MBNL2: variants seen among roughly 807,000 people sequenced by gnomAD.
MBNL2 encodes the protein muscleblind like splicing regulator 2, also known as muscleblind-like protein 2.
A neutral mutation model predicts 41.9 loss-of-function variants in MBNL2; 17 were observed. The observed-to-expected ratio is 0.41, with a 90% CI of 0.28 to 0.61. The LOEUF (loss-of-function observed/expected upper bound fraction) is 0.61, where lower values mean the gene tolerates loss of function less well. MBNL2 is among the 20% of genes least tolerant of loss of function. The pLI is 0.35. For missense variants in MBNL2, 336 were observed against 505.6 expected (o/e 0.66, Z 3.22); for synonymous variants, 195 against 182.9 (o/e 1.07, Z -0.53).
chr13:97,258,383 G>A (rs998830086), intron 1 of MBNL2, among the ~76,000 whole-genome samples: 3 of 152,086 alleles, frequency 2.0e-5, no homozygotes, highest in Admixed American at 6.6e-5. Flanking sequence ...CATCGATGGC[G>A]ATTTTTAGAA....
chr13:97,163,335 G>A, the MBNL2 span, among the ~76,000 whole-genome samples: 3 of 152,156 alleles, frequency 2.0e-5, no homozygotes, highest in Non-Finnish European at 4.4e-5. Flanking sequence ...AAGAAGCCAG[G>A]CTTTCCCTAG....
intron 1 of MBNL2, among the ~76,000 whole-genome samples, chr13:97,266,133 T>C (rs531511251): frequency 5.3e-5 from 8 of 152,132 alleles, no homozygotes; most frequent in Non-Finnish European, 1.0e-4. Flanking sequence ...TCCCAACTAC[T>C]TGGGGGGCCG....
At chr13:97,323,066 T>C (rs1480030895) in intron 2 of MBNL2, among the ~76,000 whole-genome samples, 1 of 152,222 alleles carries the variant, frequency 6.6e-6, no homozygotes, top group Non-Finnish European at 1.5e-5. Flanking sequence ...GTCTGTTTTC[T>C]ACCTGAGATG....
intron 1 of MBNL2, among the ~76,000 whole-genome samples, chr13:97,242,894 C>T (rs999146681): frequency 5.9e-5 from 9 of 152,184 alleles, no homozygotes; most frequent in Non-Finnish European, 1.0e-4. Context: ...ACATCATCCT[C>T]TGAAATTGGT....
At chr13:97,193,880 AC>A in the MBNL2 span, among the ~76,000 whole-genome samples, 1 of 151,724 alleles carries the variant, frequency 6.6e-6, no homozygotes, top group Non-Finnish European at 1.5e-5. Context: ...TCCTGATCAC[AC>A]CTCCCACATC....
chr13:97,277,426 C>T (rs2389823), intron 2 of MBNL2, among the ~76,000 whole-genome samples: 13,365 of 152,120 alleles, frequency 0.088, 693 homozygotes, highest in South Asian at 0.14. Context: ...TATCAATGCT[C>T]TTGACATATG....
intron 1 of MBNL2, among the ~76,000 whole-genome samples, chr13:97,227,184 A>T (rs967831403): frequency 2.6e-5 from 4 of 152,140 alleles, no homozygotes; most frequent in Non-Finnish European, 5.9e-5. Flanking sequence ...AGGTTCAGGG[A>T]CGCAGCCTGG....
intron 3 of MBNL2, among the ~76,000 whole-genome samples, chr13:97,339,957 G>T (rs1566427367): frequency 6.6e-6 from 1 of 151,460 alleles, no homozygotes; most frequent in Non-Finnish European, 1.5e-5. Context: ...CATGGCCTCA[G>T]ACTAGGAGCC....
rs116163884 is a variant in MBNL2, at chr13:97,223,109, A to G, written c.-605+578A>G. Among the ~76,000 whole-genome samples, 1,362 of 152,324 alleles carry G rather than the reference A, an allele frequency of 8.9e-3. 21 individuals are homozygous for G. The highest frequency in any genetic ancestry group is 0.031 in the African/African-American group (1,303 of 41,574). On this transcript the variant is annotated intron_variant, in intron 1 of 8. Transcript: ENST00000679496. ...GGCAAGTTTTCGATACTGTAGTTCA[A>G]TGTTTACATTTCTTTTCCTGGCATG...
chr13:97,213,397 G>A, the MBNL2 span, among the ~76,000 whole-genome samples: 1 of 151,886 alleles, frequency 6.6e-6, no homozygotes, highest in African/African-American at 2.4e-5. Context: ...CTTTTTTTAA[G>A]TAAAAGAGCC....
chr13:97,382,711 G>A (rs2065581983), intron 8 of MBNL2, among the ~76,000 whole-genome samples: 2 of 135,678 alleles, frequency 1.5e-5, no homozygotes, highest in Non-Finnish European at 3.1e-5. Context: ...GTCTCACTCT[G>A]TCACCGAGGC....
At chr13:97,254,101 G>T (rs1168779941) in intron 1 of MBNL2, among the ~76,000 whole-genome samples, 1 of 152,078 alleles carries the variant, frequency 6.6e-6, no homozygotes, top group African/African-American at 2.4e-5. Flanking sequence ...TGGTGGCCAG[G>T]CTTGTCTTGA....
intron 3 of MBNL2, among the ~76,000 whole-genome samples, chr13:97,337,962 AC>A (rs1333132927): frequency 2.0e-5 from 3 of 152,120 alleles, no homozygotes; most frequent in Admixed American, 6.5e-5. Context: ...GCCACCATCA[AC>A]CTTTTATCAA....
At chr13:97,307,427 A>G (rs1229511960) in intron 2 of MBNL2, among the ~76,000 whole-genome samples, 1 of 151,994 alleles carries the variant, frequency 6.6e-6, no homozygotes, top group Non-Finnish European at 1.5e-5. Flanking sequence ...TATTTTCCCT[A>G]GACTCCACCA....
intron 1 of MBNL2, among the ~76,000 whole-genome samples, chr13:97,230,903 G>A (rs1227475530): frequency 2.6e-5 from 4 of 152,302 alleles, no homozygotes; most frequent in South Asian, 2.1e-4. Context: ...TGTATCTCTC[G>A]TATATACAGT....
At chr13:97,344,297 C>G (rs2061664754) in intron 4 of MBNL2, among the ~76,000 whole-genome samples, 2 of 152,190 alleles carry the variant, frequency 1.3e-5, no homozygotes, top group African/African-American at 4.8e-5. Context: ...ACTGCTATAT[C>G]CCTATGATAT....
chr13:97,149,531 A>T, the MBNL2 span, among the ~76,000 whole-genome samples: 10,265 of 152,150 alleles, frequency 0.067, 551 homozygotes, highest in African/African-American at 0.15. Flanking sequence ...ATAATAGCAA[A>T]CACTTAAGAA....
At chr13:97,328,936 T>G (rs9582127) in intron 2 of MBNL2, among the ~76,000 whole-genome samples, 6,921 of 152,324 alleles carry the variant, frequency 0.045, 515 homozygotes, top group African/African-American at 0.16. Context: ...TCAATTATGC[T>G]TTTTCTTTCT....
chr13:97,213,622 A>G, the MBNL2 span, among the ~76,000 whole-genome samples: 4 of 151,774 alleles, frequency 2.6e-5, no homozygotes, highest in Non-Finnish European at 5.9e-5. Flanking sequence ...ATCATGTGAA[A>G]TAATGTGAGA....
Sources: allele counts gnomAD v4.1 joint callset (sites outside exome capture counted in the v4.1 genomes callset), GRCh38; gene constraint gnomAD v4.1.1; transcripts MANE v1.5; gene names NCBI Gene and HGNC (gene_info 2026-07-23, HGNC 2026-07-21).